Variants in AKR1E2 observed in about 807,000 individuals in gnomAD.
AKR1E2 encodes the protein 1,5-anhydro-D-fructose reductase.
AKR1E2 carries 43 observed loss-of-function variants against 41.9 expected under a neutral mutation model. That is an observed-to-expected ratio of 1.03 (90% CI 0.80 to 1.32). The LOEUF (loss-of-function observed/expected upper bound fraction) is 1.32, where lower values mean the gene tolerates loss of function less well. AKR1E2 is among the 40% of genes most tolerant of loss of function. The pLI is 0.00. For missense variants in AKR1E2, 423 were observed against 396.5 expected (o/e 1.07, Z -0.57); for synonymous variants, 121 against 138.9 (o/e 0.87, Z 0.91).
intron 6 of AKR1E2, among the ~76,000 whole-genome samples, chr10:4,840,997 T>C (rs1182538194): frequency 6.6e-6 from 1 of 152,188 alleles, no homozygotes; most frequent in African/African-American, 2.4e-5. Context: ...TTATCACCTG[T>C]GTGTTTTCCT....
At chr10:4,860,925 G>A in the AKR1E2 span, among the ~76,000 whole-genome samples, 263 of 152,224 alleles carry the variant, frequency 1.7e-3, 2 homozygotes, top group East Asian at 0.017. Context: ...GAGATGCTTC[G>A]ATGCACATAG....
At chr10:4,866,643 T>TG in the AKR1E2 span, among the ~76,000 whole-genome samples, 7 of 121,032 alleles carry the variant, frequency 5.8e-5, no homozygotes, top group East Asian at 6.6e-4. Flanking sequence ...GTTTTTGTTT[T>TG]TGTTTTTTTT....
the AKR1E2 span, among the ~76,000 whole-genome samples, chr10:4,859,736 G>T: frequency 2.6e-5 from 4 of 152,226 alleles, no homozygotes; most frequent in Admixed American, 2.6e-4. Flanking sequence ...GTAAAAAGAG[G>T]AAGACTGTCC....
At chr10:4,855,866 A>T in the AKR1E2 span, among the ~76,000 whole-genome samples, 3 of 152,196 alleles carry the variant, frequency 2.0e-5, no homozygotes, top group African/African-American at 7.2e-5. Context: ...ACTGCTTCTT[A>T]GACTTTTGAA....
chr10:4,841,488 G>A (rs534311371), intron 6 of AKR1E2, among the ~76,000 whole-genome samples: 1 of 152,222 alleles, frequency 6.6e-6, no homozygotes, highest in African/African-American at 2.4e-5. Context: ...GGGAGTCAAA[G>A]CTTGAGAGCC....
At chr10:4,831,714 G>T (rs1478604706) in intron 2 of AKR1E2, among the ~76,000 whole-genome samples, 1 of 152,180 alleles carries the variant, frequency 6.6e-6, no homozygotes, top group Non-Finnish European at 1.5e-5. Context: ...ACAATGTCAG[G>T]TTGCAGGAGT....
At chr10:4,864,348 G>A in the AKR1E2 span, among the ~76,000 whole-genome samples, 3,586 of 151,968 alleles carry the variant, frequency 0.024, 60 homozygotes, top group East Asian at 0.071. Flanking sequence ...AAACAGAATC[G>A]AAGACAAAAA....
At chr10:4,866,639 G>GTTTT in the AKR1E2 span, among the ~76,000 whole-genome samples, 23 of 107,820 alleles carry the variant, frequency 2.1e-4, 3 homozygotes, top group South Asian at 3.2e-4. Flanking sequence ...TTTTGTTTTT[G>GTTTT]TTTTTGTTTT....
intron 1 of AKR1E2, among the ~76,000 whole-genome samples, chr10:4,829,678 T>C (rs564697641): frequency 1.0e-3 from 158 of 152,286 alleles, no homozygotes; most frequent in African/African-American, 3.6e-3. Context: ...ATTTTCCCAT[T>C]TTATCTCATT....
chr10:4,843,341 T>C (rs1340715622), intron 8 of AKR1E2, among the ~76,000 whole-genome samples: 1 of 152,178 alleles, frequency 6.6e-6, no homozygotes, highest in Non-Finnish European at 1.5e-5. Flanking sequence ...GCCTGGCGTA[T>C]GGAAGTACCT....
downstream of AKR1E2, among the ~76,000 whole-genome samples, chr10:4,849,838 T>C (rs375856748): frequency 2.8e-4 from 43 of 152,210 alleles, no homozygotes; most frequent in African/African-American, 1.0e-3. Flanking sequence ...CAGGTGGCGC[T>C]GGGAAGCACT....
chr10:4,854,592 G>A, the AKR1E2 span, among the ~76,000 whole-genome samples: 2 of 152,120 alleles, frequency 1.3e-5, no homozygotes, highest in African/African-American at 4.8e-5. Context: ...TAAGTGGTGG[G>A]TGGGGTCCAG....
intron 6 of AKR1E2, among the ~76,000 whole-genome samples, chr10:4,840,533 G>A (rs542341243): frequency 6.6e-5 from 10 of 152,180 alleles, no homozygotes; most frequent in African/African-American, 2.4e-4. Context: ...CACTTTCCTG[G>A]GAAAAATTCT....
rs1483956573 is a variant in AKR1E2, at chr10:4,847,711, G to A, written c.*181G>A. 2.6e-5 allele frequency: 17 copies of A among 663,452 alleles called. No homozygotes were observed. Among genetic ancestry groups the A allele is most frequent in the Non-Finnish European group, 3.9e-5 (15 of 383,790 alleles). 41.1% of individuals were successfully genotyped at this position (663,452 alleles called of 1,614,324 possible). On this transcript the variant is annotated 3_prime_UTR_variant, in exon 10 of 10. Transcript: ENST00000298375. The stretch of plus-strand genomic sequence containing the variant: ...CTGGAGAATTGAGTGTGTTCTAAGT[G>A]AAGGCAATGGGGTTTCTCCAAGACA...
At chr10:4,854,030 A>G in the AKR1E2 span, among the ~76,000 whole-genome samples, 1 of 151,904 alleles carries the variant, frequency 6.6e-6, no homozygotes, top group African/African-American at 2.4e-5. Flanking sequence ...CTGGGCAGCC[A>G]GCAGCCCTTG....
chr10:4,854,903 C>T, the AKR1E2 span, among the ~76,000 whole-genome samples: 2 of 152,172 alleles, frequency 1.3e-5, no homozygotes, highest in Non-Finnish European at 2.9e-5. Flanking sequence ...ATGGGTTTGG[C>T]ACTATGGGAT....
chr10:4,868,718 C>T, the AKR1E2 span, among the ~76,000 whole-genome samples: 1 of 152,066 alleles, frequency 6.6e-6, no homozygotes, highest in African/African-American at 2.4e-5. Context: ...ATCCTGTAGT[C>T]CTATTTTCTG....
chr10:4,866,639 G>GTTT, the AKR1E2 span, among the ~76,000 whole-genome samples: 142 of 107,780 alleles, frequency 1.3e-3, 6 homozygotes, highest in East Asian at 4.1e-3. Flanking sequence ...TTTTGTTTTT[G>GTTT]TTTTTGTTTT....
At chr10:4,866,290 A>G in the AKR1E2 span, among the ~76,000 whole-genome samples, 1 of 152,208 alleles carries the variant, frequency 6.6e-6, no homozygotes, top group East Asian at 1.9e-4. Context: ...AAAGAATCCA[A>G]AGAGAGGACG....
Sources: allele counts gnomAD v4.1 joint callset (sites outside exome capture counted in the v4.1 genomes callset), GRCh38; gene constraint gnomAD v4.1.1; transcripts MANE v1.5; gene names NCBI Gene and HGNC (gene_info 2026-07-23, HGNC 2026-07-21).